Variants in TM2D1 observed in about 807,000 individuals in gnomAD.
TM2D1 encodes the protein TM2 domain containing 1, also known as TM2 domain-containing protein 1.
TM2D1 carries 15 observed loss-of-function variants against 28.4 expected under a neutral mutation model. That is an observed-to-expected ratio of 0.53 (90% confidence interval 0.35 to 0.81). The LOEUF is 0.81. TM2D1 is among the 40% of genes least tolerant of loss of function. The pLI, the probability that TM2D1 is intolerant of heterozygous loss-of-function variation, is 0.01. For missense variants in TM2D1, 236 were observed against 254.9 expected, an observed-to-expected ratio of 0.93 and a Z score of 0.50; for synonymous variants, 93 against 96.2, an observed-to-expected ratio of 0.97 and a Z score of 0.20.
intron 2 of TM2D1, among the ~76,000 whole-genome samples, chr1:61,711,329 CAAAAAAAAAA>C (rs1203013202): frequency 1.2e-5 from 1 of 86,082 alleles, no homozygotes; most frequent in Admixed American, 1.3e-4. Context: ...AACTCCACCT[CAAAAAAAAAA>C]AAAAGAAAAA....
chr1:61,694,083 T>C (rs564088317), intron 5 of TM2D1: 1 of 152,324 alleles, frequency 6.6e-6, no homozygotes, highest in South Asian at 2.1e-4. Context: ...TAAACATGTA[T>C]ATCATTTGTT....
intron 5 of TM2D1, among the ~76,000 whole-genome samples, chr1:61,689,547 AT>A (rs1224696407): frequency 1.3e-5 from 2 of 151,908 alleles, no homozygotes; most frequent in Non-Finnish European, 2.9e-5. Flanking sequence ...TTTTTTAAAA[AT>A]TTTTTGTAGA....
intron 5 of TM2D1, among the ~76,000 whole-genome samples, chr1:61,688,011 G>A (rs1479965389): frequency 6.6e-6 from 1 of 152,160 alleles, no homozygotes; most frequent in African/African-American, 2.4e-5. Context: ...CATCTGATTA[G>A]TCACATTTTA....
chr1:61,704,181 C>T (rs11207812), intron 3 of TM2D1, among the ~76,000 whole-genome samples: 3,376 of 152,094 alleles, frequency 0.022, 122 homozygotes, highest in African/African-American at 0.077. Flanking sequence ...TAAGCCACTG[C>T]GCCTGGCTAT....
chr1:61,689,989 C>T (rs1417309859), intron 5 of TM2D1, among the ~76,000 whole-genome samples: 2 of 152,130 alleles, frequency 1.3e-5, no homozygotes, highest in African/African-American at 4.8e-5. Flanking sequence ...GTCATTAGGG[C>T]TCCACCATCC....
At chr1:61,682,939 A>G (rs12030355) in intron 6 of TM2D1, among the ~76,000 whole-genome samples, 12,034 of 152,002 alleles carry the variant, frequency 0.079, 756 homozygotes, top group East Asian at 0.29. Context: ...GCTGAGGCCA[A>G]TAATTCTTAC....
At chr1:61,692,444 AAG>A (rs1644334953) in intron 5 of TM2D1, among the ~76,000 whole-genome samples, 1 of 151,992 alleles carries the variant, frequency 6.6e-6, no homozygotes. Context: ...AAAAGAAAGA[AAG>A]AAAGATGGAA....
At chr1:61,701,084 A>T in intron 3 of TM2D1, 59 bp from the exon 4 acceptor site, 1 of 1,299,916 alleles carries the variant, frequency 7.7e-7, no homozygotes, top group Non-Finnish European at 1.1e-6. Context: ...AGAAAAAAAA[A>T]TTATTAACTA....
In TM2D1 at chr1:61,700,372, T is replaced by C. The variant is rs1237886302; in HGVS notation, c.439+562A>G. On this transcript the variant is annotated intron_variant, in intron 4 of 6. Coordinates refer to ENST00000606498, the MANE Select transcript of TM2D1 (RefSeq NM_032027.3). ...AGTACTGTTTAAACAAAAGCTATCATAAAATGTAAATAGTTTTCATAAGCA... is the reference window on the plus strand; with the variant it reads ...AGTACTGTTTAAACAAAAGCTATCACAAAATGTAAATAGTTTTCATAAGCA... The C allele has an allele frequency of 9.3e-6, 12 of 1,289,168 alleles. No homozygotes were observed. The Admixed American group carries it at 2.8e-4, about 31-fold the overall frequency. The allele number at this position is 1,289,168 out of a possible 1,614,324, so 79.9% of individuals were successfully genotyped here. A position where few individuals can be genotyped will look rare whatever the true frequency, so the allele number is the denominator to read the frequency against.
At chr1:61,689,767 G>GA (rs1306363093) in intron 5 of TM2D1, among the ~76,000 whole-genome samples, 1 of 152,162 alleles carries the variant, frequency 6.6e-6, no homozygotes, top group African/African-American at 2.4e-5. Flanking sequence ...TACCTAAGTT[G>GA]ATGCTCACTA....
At chr1:61,707,047 A>T (rs1306937934) in intron 3 of TM2D1, among the ~76,000 whole-genome samples, 1 of 151,906 alleles carries the variant, frequency 6.6e-6, no homozygotes, top group Non-Finnish European at 1.5e-5. Context: ...TTGAGCCCAG[A>T]AGTTTGAGAC....
intron 2 of TM2D1, among the ~76,000 whole-genome samples, chr1:61,716,298 G>A (rs1178067657): frequency 5.3e-5 from 8 of 149,706 alleles, no homozygotes; most frequent in East Asian, 2.0e-4. Context: ...CAGCCTGGGC[G>A]ACAGAGTAAG....
chr1:61,720,537 C>T (rs1221529002), intron 2 of TM2D1, among the ~76,000 whole-genome samples: 2 of 152,042 alleles, frequency 1.3e-5, no homozygotes, highest in African/African-American at 4.8e-5. Flanking sequence ...CCACCTCACC[C>T]GGGCTGACAG....
At chr1:61,693,765 T>C (rs938141681) in intron 5 of TM2D1, among the ~76,000 whole-genome samples, 4 of 152,168 alleles carry the variant, frequency 2.6e-5, no homozygotes, top group Admixed American at 6.6e-5. Context: ...GGAAATACTA[T>C]ATGAGAAAGC....
At chr1:61,698,541 A>G (rs1000857393) in intron 4 of TM2D1, 2 of 149,164 alleles carry the variant, frequency 1.3e-5, no homozygotes, top group Non-Finnish European at 3.0e-5. Flanking sequence ...CTGGGCAACA[A>G]GAGTGAAACT....
intron 2 of TM2D1, among the ~76,000 whole-genome samples, chr1:61,709,868 C>A (rs1151771): frequency 0.3 from 45,483 of 152,010 alleles, 7,470 homozygotes; most frequent in African/African-American, 0.43. Flanking sequence ...TATACCAACG[C>A]TTATAGATAA....
intron 5 of TM2D1, among the ~76,000 whole-genome samples, chr1:61,692,484 GAAAGAAAGAA>G (rs887257378): frequency 1.4e-5 from 2 of 139,000 alleles, no homozygotes; most frequent in East Asian, 2.1e-4. Context: ...AAGAGAGAAA[GAAAGAAAGAA>G]AAAGAAAGAG....
chr1:61,715,368 T>C (rs934548680), intron 2 of TM2D1, among the ~76,000 whole-genome samples: 2 of 151,970 alleles, frequency 1.3e-5, no homozygotes, highest in Admixed American at 6.6e-5. Flanking sequence ...GTTATATACA[T>C]TTAAAAAGCA....
At chr1:61,708,849 T>C (rs1438765088) in intron 3 of TM2D1, among the ~76,000 whole-genome samples, 1 of 151,246 alleles carries the variant, frequency 6.6e-6, no homozygotes, top group African/African-American at 2.4e-5. Context: ...ATTGGTGAAT[T>C]GCATTTATAA....
Sources: gnomAD v4.1 joint callset for allele counts (sites outside exome capture counted in the v4.1 genomes callset) on GRCh38, gnomAD v4.1.1 for gene constraint, MANE v1.5 for transcripts, NCBI Gene and HGNC (gene_info 2026-07-23, HGNC 2026-07-21) for gene names.